Variants in NDFIP2 observed in about 807,000 individuals in gnomAD.
NDFIP2 encodes the protein NEDD4 family-interacting protein 2.
In NDFIP2, 19 loss-of-function variants were observed where a neutral mutation model predicts 36.0. The ratio of observed to expected loss-of-function variants is 0.53; its 90% CI spans 0.37 to 0.77. NDFIP2 has a LOEUF of 0.77. NDFIP2 is among the 30% of genes least tolerant of loss of function. NDFIP2 has a pLI of 0.00. For synonymous variants in NDFIP2, 181 were observed against 167.7 expected (o/e 1.08, Z -0.61); for missense variants, 446 against 435.8 (o/e 1.02, Z -0.21).
At chr13:79,524,793 A>G (rs911384395) in intron 2 of NDFIP2, among the ~76,000 whole-genome samples, 1 of 152,224 alleles carries the variant, frequency 6.6e-6, no homozygotes, top group East Asian at 1.9e-4. Flanking sequence ...TTGAGGGCAC[A>G]TGGATTCTTC....
chr13:79,533,861 G>A lies in NDFIP2; in HGVS notation c.621+405G>A, dbSNP rs535194918. ...CAGAGTTATACTCAAATTTTCTACCGCATGCAGGTGGGTCGGTGTCCCTAA... is the reference window on the plus strand; with the variant it reads ...CAGAGTTATACTCAAATTTTCTACCACATGCAGGTGGGTCGGTGTCCCTAA... On this transcript the variant is annotated intron_variant, in intron 3 of 7. Transcript: ENST00000218652. Among the ~76,000 whole-genome samples, 6 of 152,212 alleles carry A rather than the reference G, an allele frequency of 3.9e-5. No homozygotes were observed. In the South Asian group the frequency reaches 1.2e-3, roughly 32 times the overall value.
chr13:79,534,219 A>G (rs960654983), intron 3 of NDFIP2, among the ~76,000 whole-genome samples: 2 of 152,138 alleles, frequency 1.3e-5, no homozygotes, highest in African/African-American at 4.8e-5. Flanking sequence ...CTATCATTTT[A>G]ATTGTGAATC....
chr13:79,498,312 T>G (rs2140741282), intron 1 of NDFIP2, among the ~76,000 whole-genome samples: 1 of 152,076 alleles, frequency 6.6e-6, no homozygotes, highest in East Asian at 1.9e-4. Context: ...AAAACCTCAG[T>G]ATGGCAGTGT....
intron 5 of NDFIP2, among the ~76,000 whole-genome samples, chr13:79,545,568 A>G (rs1368680544): frequency 6.6e-6 from 1 of 152,248 alleles, no homozygotes; most frequent in Non-Finnish European, 1.5e-5. Context: ...TTTTGTATAA[A>G]ATAACAATAA....
At chr13:79,497,897 G>A (rs950299654) in intron 1 of NDFIP2, among the ~76,000 whole-genome samples, 2 of 151,142 alleles carry the variant, frequency 1.3e-5, no homozygotes, top group Non-Finnish European at 3.0e-5. Flanking sequence ...TTTTCTGTGG[G>A]GGCCTTCCAA....
intron 1 of NDFIP2, among the ~76,000 whole-genome samples, chr13:79,496,688 A>G (rs978942889): frequency 4.0e-5 from 6 of 151,732 alleles, no homozygotes; most frequent in Non-Finnish European, 8.8e-5. Flanking sequence ...AAACTTTTAA[A>G]GGGTTTAAAC....
At chr13:79,544,207 T>C (rs1318434474) in intron 5 of NDFIP2, among the ~76,000 whole-genome samples, 1 of 152,184 alleles carries the variant, frequency 6.6e-6, no homozygotes, top group East Asian at 1.9e-4. Context: ...TTTGAAAACA[T>C]TGAGAGCTCA....
intron 1 of NDFIP2, among the ~76,000 whole-genome samples, chr13:79,510,800 A>G (rs1390477807): frequency 6.6e-6 from 1 of 152,016 alleles, no homozygotes; most frequent in Non-Finnish European, 1.5e-5. Context: ...GGAGTTCGAG[A>G]CCAGCCTGGC....
At chr13:79,548,199 A>T in intron 5 of NDFIP2, 129 bp from the exon 6 acceptor site, 2 of 739,216 alleles carry the variant, frequency 2.7e-6, no homozygotes, top group South Asian at 3.5e-5. Flanking sequence ...AAGTGTTTTT[A>T]TTTTTCCTTT....
At chr13:79,550,423 AT>A (rs11348493) in intron 6 of NDFIP2, among the ~76,000 whole-genome samples, 1,714 of 151,748 alleles carry the variant, frequency 0.011, 34 homozygotes, top group African/African-American at 0.039. Context: ...ACTCATCTTA[AT>A]TTTTTATTAT....
chr13:79,508,084 A>C (rs991626855), intron 1 of NDFIP2, among the ~76,000 whole-genome samples: 1 of 152,188 alleles, frequency 6.6e-6, no homozygotes, highest in African/African-American at 2.4e-5. Context: ...TTGAAGATTT[A>C]TCTGTGATGG....
At position 79,499,264 on chromosome 13, in the gene NDFIP2, C is replaced by T. The variant is rs117933239; in HGVS notation, c.321+17740C>T. On this transcript the variant is annotated intron_variant, in intron 1 of 7. Transcript: ENST00000218652. Reference sequence around the variant, plus strand: ...ACATCTACTAAAAGCCTATATCAAACGTCATACTTTGTACTTAGTAATGAG... The same window carrying T: ...ACATCTACTAAAAGCCTATATCAAATGTCATACTTTGTACTTAGTAATGAG... 8.7e-3 allele frequency among the ~76,000 whole-genome samples: 1,328 copies of T among 151,990 alleles called. 23 individuals are homozygous for T. The highest frequency in any genetic ancestry group is 0.013 in the Non-Finnish European group (906 of 67,868).
At chr13:79,534,615 C>CT (rs1875159810) in intron 3 of NDFIP2, among the ~76,000 whole-genome samples, 3 of 151,724 alleles carry the variant, frequency 2.0e-5, no homozygotes, top group South Asian at 2.1e-4. Flanking sequence ...AATTTTTTGC[C>CT]TTTTTTTTCT....
In NDFIP2 at chr13:79,492,210, T is replaced by C. The variant is rs532018416; in HGVS notation, c.321+10686T>C. 2.6e-4 allele frequency among the ~76,000 whole-genome samples: 39 copies of C among 152,152 alleles called. No homozygotes were observed. In the East Asian group the frequency reaches 2.7e-3, roughly 11 times the overall value. On this transcript the variant is annotated intron_variant, in intron 1 of 7. Coordinates refer to ENST00000218652, the MANE Select transcript of NDFIP2 (RefSeq NM_019080.3). ...CTAATTTTGGGGGTCTTAGGACATA[T>C]AGCCTTTTGGATATTGGACTGAGGA...
intron 1 of NDFIP2, among the ~76,000 whole-genome samples, chr13:79,513,935 T>TAAAC (rs1299070774): frequency 6.6e-6 from 1 of 152,222 alleles, no homozygotes; most frequent in African/African-American, 2.4e-5. Context: ...TAAAGCAGTG[T>TAAAC]AAACACAACT....
At chr13:79,532,650 G>T (rs564147161) in intron 2 of NDFIP2, among the ~76,000 whole-genome samples, 1 of 152,268 alleles carries the variant, frequency 6.6e-6, no homozygotes, top group South Asian at 2.1e-4. Context: ...GGAAGAGAAA[G>T]GGACAAGAGT....
At chr13:79,486,633 G>T (rs1873003276) in intron 1 of NDFIP2, among the ~76,000 whole-genome samples, 1 of 152,208 alleles carries the variant, frequency 6.6e-6, no homozygotes, top group Admixed American at 6.5e-5. Context: ...CCTTTGACAT[G>T]TAGAGCAGAG....
At chr13:79,516,024 GAT>G (rs1212355549) in intron 1 of NDFIP2, among the ~76,000 whole-genome samples, 5 of 151,460 alleles carry the variant, frequency 3.3e-5, no homozygotes, top group Non-Finnish European at 7.4e-5. Context: ...AGAGGTTCAT[GAT>G]ATATAGATTG....
rs1297020120 is a variant in NDFIP2 at position 79,520,989 on chromosome 13, A to G, written c.487+14A>G. 1.3e-6 allele frequency: 2 copies of G among 1,554,850 alleles called. No individual in the cohort carries two copies. The highest frequency in any genetic ancestry group is 1.7e-6 in the Non-Finnish European group (2 of 1,148,866). On this transcript the variant is annotated intron_variant, in intron 2 of 7. Transcript: ENST00000218652. ...CTACAACTTCAGGTATGAAACATCTAGTAATGTTTTTATTAGTTCTTTTTT... is the reference window on the plus strand; with the variant it reads ...CTACAACTTCAGGTATGAAACATCTGGTAATGTTTTTATTAGTTCTTTTTT...
Sources: allele counts gnomAD v4.1 joint callset (sites outside exome capture counted in the v4.1 genomes callset), GRCh38; gene constraint gnomAD v4.1.1; transcripts MANE v1.5; gene names NCBI Gene and HGNC (gene_info 2026-07-23, HGNC 2026-07-21).